Variants in FDPS observed in about 807,000 individuals in gnomAD.
FDPS encodes the protein farnesyl diphosphate synthase.
FDPS carries 29 observed loss-of-function variants against 49.5 expected under a neutral mutation model. The observed-to-expected ratio is 0.59, with a 90% CI of 0.44 to 0.80. The LOEUF is 0.80. Ranked by LOEUF, FDPS falls within the 30% of genes least tolerant of loss-of-function variation. FDPS has a pLI of 0.00. For synonymous variants in FDPS, 172 were observed against 206.4 expected (o/e 0.83, Z 1.43); for missense variants, 414 against 525.6 (o/e 0.79, Z 2.08).
In FDPS at chr1:155,318,332, G is replaced by T; in HGVS notation, c.684+41G>T. ...GGCCCGATGCCCAGAGGGTGCCCAT[G>T]GTAGCCTTGGCCTCTATAGGACATG... On this transcript the variant is annotated intron_variant, in intron 6 of 10. Coordinates refer to ENST00000368356, the MANE Select transcript of FDPS (RefSeq NM_002004.4). This position sits in a 1 kb window ranked among gnomAD's most constrained non-coding sequence, Gnocchi z 4.2. 6.2e-7 allele frequency: 1 copy of T among 1,603,600 alleles called. No homozygotes were observed. The highest frequency in any genetic ancestry group is 8.5e-7 in the Non-Finnish European group (1 of 1,179,638).
chr1:155,310,037 A>G lies in FDPS; in HGVS notation c.177-6A>G, dbSNP rs748047638. 3 of 1,613,040 alleles carry G rather than the reference A, an allele frequency of 1.9e-6. No homozygotes were observed. The highest frequency in any genetic ancestry group is 1.7e-5 in the Admixed American group (1 of 60,012). ...CAGGTTTCTGACTTGTTTTTCTTCT[A>G]CTTAGAGCCCTTTGCTCCTCCCTCA... On this transcript the variant is annotated splice_region_variant and splice_polypyrimidine_tract_variant and intron_variant, in intron 2 of 10. Transcript: ENST00000368356.
At chr1:155,319,180 A>G (rs1649913460) in intron 8 of FDPS, among the ~76,000 whole-genome samples, 1 of 152,232 alleles carries the variant, frequency 6.6e-6, no homozygotes, top group South Asian at 2.1e-4. Context: ...GTATCTGAGT[A>G]TGGATAGGAG....
At position 155,318,689 on chromosome 1, in the gene FDPS, C is replaced by A. The variant is rs1162112603; in HGVS notation, c.709C>A (p.Gln237Lys). The A allele has an allele frequency of 6.2e-7, 1 of 1,613,158 alleles. No homozygotes were observed. Among genetic ancestry groups the A allele is most frequent in the Non-Finnish European group, 8.5e-7 (1 of 1,179,212 alleles). The change falls in exon 7 of 11, where the codon CAG becomes AAG. Residue 237 changes from glutamine (Q) to lysine (K), a missense_variant. By Grantham distance (53) the Gln-to-Lys change is moderately conservative (BLOSUM62 1). Coordinates refer to ENST00000368356, the MANE Select transcript of FDPS (RefSeq NM_002004.4). The surrounding 1 kb of genome is among the most constrained non-coding windows in gnomAD (Gnocchi z 4.2). ...GAGTTCCTATCAGACTGAGATTGGG[C>A]AGACCCTGGACCTCCTCACAGCCCC... ...LQSSYQTEIG[Q>K]TLDLLTAPQG...
chr1:155,315,212 T>C (rs1222805299), intron 4 of FDPS, among the ~76,000 whole-genome samples: 1 of 152,220 alleles, frequency 6.6e-6, no homozygotes, highest in African/African-American at 2.4e-5. Flanking sequence ...GTGGATCCAC[T>C]ACAGCACACA....
intron 3 of FDPS, among the ~76,000 whole-genome samples, chr1:155,311,807 T>C (rs1443572042): frequency 1.3e-5 from 2 of 152,032 alleles, no homozygotes; most frequent in Non-Finnish European, 2.9e-5. Flanking sequence ...ACTCTGTCTC[T>C]ACTAAAAATA....
intron 10 of FDPS, 28 bp from the exon 11 acceptor site, chr1:155,320,381 C>T (rs999443655): frequency 6.3e-6 from 10 of 1,597,682 alleles, no homozygotes; most frequent in Middle Eastern, 2.0e-4. Context: ...AGGCCAAGCC[C>T]GTTTTCCTGT....
chr1:155,313,953 G>A (rs889374495), intron 4 of FDPS, among the ~76,000 whole-genome samples: 3 of 151,488 alleles, frequency 2.0e-5, no homozygotes, highest in African/African-American at 7.3e-5. Context: ...TAAGTAGCTG[G>A]GATTATAGGC....
In FDPS at chr1:155,310,165, G is replaced by A; in HGVS notation, c.299G>A (p.Gly100Glu). ...IVRVLTEDEM[G>E]HPEIGDAIAR... ...AGGGTGCTGACTGAGGATGAGATGG[G>A]GCACCCAGAGATAGGAGATGCTATT... The change falls in exon 3 of 11, where the codon GGG (glycine) becomes GAG (glutamate). Residue 100 changes from glycine to glutamate, a missense_variant. Gly to Glu is a moderately conservative substitution (Grantham distance 98). Coordinates refer to ENST00000368356, the MANE Select transcript of FDPS (RefSeq NM_002004.4). 6.2e-7 allele frequency: 1 copy of A among 1,613,904 alleles called. No individual in the cohort carries two copies. The highest frequency in any genetic ancestry group is 8.5e-7 in the Non-Finnish European group (1 of 1,179,850).
At chr1:155,310,297 C>A in intron 3 of FDPS, 92 bp downstream of exon 3, 4 of 1,148,662 alleles carry the variant, frequency 3.5e-6, no homozygotes, top group Non-Finnish European at 3.8e-6. Context: ...GGACTTTTGA[C>A]AGATGTGAGA....
At chr1:155,319,020 G>T in intron 8 of FDPS, 92 bp downstream of exon 8, 1 of 919,286 alleles carries the variant, frequency 1.1e-6, no homozygotes, top group East Asian at 2.4e-5. Flanking sequence ...TGCTACCCCT[G>T]GTGAAAAACT....
intron 4 of FDPS, among the ~76,000 whole-genome samples, chr1:155,313,513 C>G (rs924468260): frequency 6.6e-6 from 1 of 152,166 alleles, no homozygotes; most frequent in Non-Finnish European, 1.5e-5. Flanking sequence ...ACAGTCAGCC[C>G]GGGTACGTTC....
chr1:155,317,361 A>G (rs1157164735), intron 4 of FDPS: 1 of 152,726 alleles, frequency 6.5e-6, no homozygotes, highest in African/African-American at 2.4e-5. Flanking sequence ...GGAATAATCT[A>G]GGGCTCATTA....
Position 155,309,953 on chromosome 1 carries a change from C to T in FDPS, c.164C>T (p.Thr55Ile), listed in dbSNP as rs1413700943. Residue 55 changes from threonine to isoleucine, a missense_variant, in exon 2 of 11, where the codon ACA becomes ATA. Coordinates refer to ENST00000368356, the MANE Select transcript of FDPS (RefSeq NM_002004.4). ...GCCCGCTGCTGGTGCCAAGCGTGGA[C>T]AGAGGAACCTCGGTGAGTGTGGTTG... ...HSARCWCQAW[T>I]EEPRALCSSL... 4.4e-6 allele frequency: 7 copies of T among 1,606,872 alleles called. No individual in the cohort carries two copies. The African/African-American group carries it at 9.4e-5, about 21-fold the overall frequency.
At position 155,319,797 on chromosome 1, in the gene FDPS, G is replaced by C; in HGVS notation, c.928G>C (p.Asp310His). The change falls in exon 10 of 11, where the codon GAT (aspartate) becomes CAT (histidine). Residue 310 changes from aspartate to histidine, a missense_variant. Asp to His is a moderately conservative substitution (Grantham distance 81). Coordinates refer to ENST00000368356, the MANE Select transcript of FDPS (RefSeq NM_002004.4). ...EMGEFFQIQD[D>H]YLDLFGDPSV... ...TGCCCTCCCCCTCCCTGCCCAGGAT[G>C]ATTACCTTGACCTCTTTGGGGACCC... The C allele has an allele frequency of 6.2e-7, 1 of 1,614,166 alleles. No individual in the cohort carries two copies. The highest frequency in any genetic ancestry group is 8.5e-7 in the Non-Finnish European group (1 of 1,180,026).
At chr1:155,310,246 G>A (rs538261427) in intron 3 of FDPS, 41 bp downstream of exon 3, 296 of 1,603,450 alleles carry the variant, frequency 1.8e-4, no homozygotes, top group Non-Finnish European at 2.5e-4. Flanking sequence ...CTTTGGTTCA[G>A]TTGCTCTGTA....
In FDPS at chr1:155,318,264, C is replaced by T. The variant is rs765430280; in HGVS notation, c.657C>T (p.Tyr219=). 4.3e-6 allele frequency: 7 copies of T among 1,613,248 alleles called. No individual in the cohort carries two copies. In the South Asian group the frequency reaches 4.4e-5, roughly 10 times the overall value. The change falls in exon 6 of 11, where the codon TAC becomes TAT. Residue 219 remains tyrosine (Y), a synonymous_variant. Transcript: ENST00000368356. The surrounding 1 kb of genome is among the most constrained non-coding windows in gnomAD (Gnocchi z 4.2). ...TCTATTGCCGGGAGCAGCCCTATTA[C>T]CTGAACCTGATCGAGCTCTTCCTGC... The part of the protein sequence containing the change: ...LKLYCREQPY[Y]LNLIELFLQS...
intron 4 of FDPS, 200 bp from the exon 5 acceptor site, chr1:155,317,741 A>G: frequency 1.9e-6 from 1 of 538,032 alleles, no homozygotes; most frequent in African/African-American, 1.9e-5. Flanking sequence ...GAACTCAGGA[A>G]GCTGAAGTGG....
intron 3 of FDPS, 155 bp downstream of exon 3, chr1:155,310,360 G>A: frequency 1.5e-6 from 1 of 649,668 alleles, no homozygotes; most frequent in Non-Finnish European, 2.6e-6. Flanking sequence ...ACCTGGGCTG[G>A]AGTGCGATGG....
intron 3 of FDPS, among the ~76,000 whole-genome samples, chr1:155,311,169 T>C (rs1033277486): frequency 2.6e-5 from 4 of 151,898 alleles, no homozygotes; most frequent in Admixed American, 6.6e-5. Flanking sequence ...GAAACCCCCG[T>C]CTCTACTAAA....
Sources: gnomAD v4.1 joint callset for allele counts (sites outside exome capture counted in the v4.1 genomes callset) on GRCh38, gnomAD v4.1.1 for gene constraint, Gnocchi (gnomAD v3.1) non-coding constraint, MANE v1.5 for transcripts, NCBI Gene and HGNC (gene_info 2026-07-23, HGNC 2026-07-21) for gene names.